The following FGF14 variants were observed in gnomAD, a reference collection of about 807,000 sequenced individuals.
FGF14 encodes the protein fibroblast growth factor homologous factor 4.
FGF14 carries 5 observed loss-of-function variants against 25.5 expected under a neutral mutation model. That is an observed-to-expected ratio of 0.20 (90% CI 0.10 to 0.41). The LOEUF (loss-of-function observed/expected upper bound fraction) is 0.41. Among genes scored for constraint, FGF14 ranks in the 10% least tolerant of loss-of-function variants. The pLI is 1.00. For missense variants in FGF14, 222 were observed against 320.1 expected (o/e 0.69, Z 2.34); for synonymous variants, 138 against 118.3 (o/e 1.17, Z -1.08).
At chr13:101,982,927 GT>G (rs2038353213) in intron 1 of FGF14, among the ~76,000 whole-genome samples, 2 of 152,136 alleles carry the variant, frequency 1.3e-5, no homozygotes, top group Admixed American at 6.6e-5. Context: ...AAGAGACAAG[GT>G]ATACATGAAA....
chr13:102,103,807 T>C (rs2044773650), intron 1 of FGF14, among the ~76,000 whole-genome samples: 1 of 152,152 alleles, frequency 6.6e-6, no homozygotes, highest in African/African-American at 2.4e-5. Flanking sequence ...CATAGAGTAA[T>C]GCAGAAGTCA....
intron 3 of FGF14, among the ~76,000 whole-genome samples, chr13:101,775,476 A>G (rs1316507867): frequency 6.6e-6 from 1 of 152,074 alleles, no homozygotes; most frequent in Non-Finnish European, 1.5e-5. Context: ...CAACTCTTCC[A>G]TAAGGAGAAA....
rs1566764538 is a variant in FGF14, at chr13:102,161,621, A to AG, written c.208+239849dup. ...AAGAAGAAGAAGAAGAAGAAGAAGA[A>AG]GAAGAAGAAGAAGAAGAAGAAGAAG... On this transcript the variant is annotated intron_variant, in intron 1 of 4. Coordinates refer to the FGF14 transcript ENST00000376131. Among the ~76,000 whole-genome samples the AG allele has an allele frequency of 1.8e-3, 14 of 7,830 alleles. 2 individuals are homozygous for AG. Among genetic ancestry groups the AG allele is most frequent in the Non-Finnish European group, 1.8e-3 (8 of 4,534 alleles). The allele number at this position is 7,830 out of a possible 152,430, so 5.1% of individuals were successfully genotyped here. A position where few individuals can be genotyped will look rare whatever the true frequency, so the allele number is the denominator to read the frequency against.
chr13:102,358,258 T>C (rs1446914616), intron 1 of FGF14, among the ~76,000 whole-genome samples: 1 of 152,212 alleles, frequency 6.6e-6, no homozygotes, highest in Non-Finnish European at 1.5e-5. Flanking sequence ...ACATTAATTA[T>C]ATGAAACAAG....
chr13:102,369,257 T>C (rs2139091941), intron 1 of FGF14, among the ~76,000 whole-genome samples: 1 of 152,304 alleles, frequency 6.6e-6, no homozygotes, highest in Non-Finnish European at 1.5e-5. Context: ...CAATGACCAA[T>C]ATGCCCACTG....
intron 3 of FGF14, among the ~76,000 whole-genome samples, chr13:101,832,616 G>A (rs1051789331): frequency 9.9e-5 from 15 of 151,886 alleles, no homozygotes; most frequent in Admixed American, 3.9e-4. Flanking sequence ...ACCCAAGAAC[G>A]GAGTGGAAGT....
At chr13:101,919,543 G>C (rs2033840330), upstream of FGF14, among the ~76,000 whole-genome samples, 1 of 151,716 alleles carries the variant, frequency 6.6e-6, no homozygotes, top group South Asian at 2.1e-4. Context: ...CCTTGGACTT[G>C]GGGGTCAGGA....
chr13:101,922,088 G>A (rs1175310273), intron 1 of FGF14, among the ~76,000 whole-genome samples: 2 of 152,134 alleles, frequency 1.3e-5, no homozygotes, highest in Non-Finnish European at 2.9e-5. Context: ...GCAAGTAGGT[G>A]CTCAATAAAG....
intron 1 of FGF14, among the ~76,000 whole-genome samples, chr13:102,236,859 C>T (rs905605431): frequency 6.6e-6 from 1 of 152,068 alleles, no homozygotes; most frequent in East Asian, 1.9e-4. Context: ...TCACTCATGC[C>T]GAAGTGAGAA....
At chr13:102,076,592 A>T (rs1467558175) in intron 1 of FGF14, among the ~76,000 whole-genome samples, 1 of 152,188 alleles carries the variant, frequency 6.6e-6, no homozygotes, top group Non-Finnish European at 1.5e-5. Context: ...GTACACTGAA[A>T]AACTGTAAAA....
At chr13:102,156,293 A>T (rs1367606537) in intron 1 of FGF14, among the ~76,000 whole-genome samples, 1 of 152,240 alleles carries the variant, frequency 6.6e-6, no homozygotes, top group African/African-American at 2.4e-5. Context: ...CCAGCAGCAC[A>T]TCAAAAAGCT....
rs371888219 is a variant in FGF14 at position 102,158,458 on chromosome 13, G to T, written c.208+243013C>A. Among the ~76,000 whole-genome samples, 21 of 150,788 alleles carry T rather than the reference G, an allele frequency of 1.4e-4. No individual in the cohort carries two copies. In the East Asian group the frequency reaches 3.7e-3, roughly 27 times the overall value. On this transcript the variant is annotated intron_variant, in intron 1 of 4. Transcript: ENST00000376131. ...CACCATATGTTCTCACTCATAGGTG[G>T]GAATTGAACAATGAGAACACATGGA... is the stretch of plus-strand genomic sequence containing the variant.
chr13:102,065,050 A>G (rs184078314), intron 1 of FGF14, among the ~76,000 whole-genome samples: 55 of 152,188 alleles, frequency 3.6e-4, no homozygotes, highest in Middle Eastern at 6.8e-3. Flanking sequence ...TGTTTCCATT[A>G]AAGAATTCCA....
At chr13:102,116,739 T>G (rs186225110) in intron 1 of FGF14, among the ~76,000 whole-genome samples, 1 of 152,208 alleles carries the variant, frequency 6.6e-6, no homozygotes. Flanking sequence ...TAGAAACACA[T>G]AGTGGAGATG....
intron 3 of FGF14, among the ~76,000 whole-genome samples, chr13:101,841,178 G>A (rs2043173973): frequency 1.3e-5 from 2 of 151,824 alleles, no homozygotes. Flanking sequence ...TATACAATAA[G>A]GAGATAAAAA....
Position 101,889,118 on chromosome 13 carries a change from C to G in FGF14, c.194-13822G>C, listed in dbSNP as rs565397039. ...CAGGAGAAATCAAGCATGCCAGTGCCTTGATCTTGACCTTGCAGCTTTCAG... is the reference window on the plus strand; with the variant it reads ...CAGGAGAAATCAAGCATGCCAGTGCGTTGATCTTGACCTTGCAGCTTTCAG... On this transcript the variant is annotated intron_variant, in intron 1 of 4. Transcript: ENST00000376143. 1.1e-4 allele frequency among the ~76,000 whole-genome samples: 16 copies of G among 152,270 alleles called. No individual in the cohort carries two copies. In the South Asian group the frequency reaches 3.3e-3, roughly 32 times the overall value.
chr13:102,059,602 G>A (rs1296014368), intron 1 of FGF14, among the ~76,000 whole-genome samples: 1 of 152,334 alleles, frequency 6.6e-6, no homozygotes. Flanking sequence ...TGTAATCCCA[G>A]CACTTTGGGA....
At chr13:102,159,157 AG>A (rs199897535) in intron 1 of FGF14, among the ~76,000 whole-genome samples, 2,514 of 137,310 alleles carry the variant, frequency 0.018, 117 homozygotes, top group African/African-American at 0.065. Flanking sequence ...AAAAAAAAAA[AG>A]AAAAGAAAAG....
chr13:101,858,876 T>C (rs2044264223), intron 3 of FGF14, among the ~76,000 whole-genome samples: 1 of 152,090 alleles, frequency 6.6e-6, no homozygotes, highest in African/African-American at 2.4e-5. Context: ...GGTGGCAACA[T>C]TTACTAAAAA....
Sources: allele counts gnomAD v4.1 joint callset (sites outside exome capture counted in the v4.1 genomes callset), GRCh38; gene constraint gnomAD v4.1.1; transcripts MANE v1.5; gene names NCBI Gene and HGNC (gene_info 2026-07-23, HGNC 2026-07-21).